MYL1: variants seen among roughly 807,000 people sequenced by gnomAD.
MYL1 encodes myosin light chain 1.
Under a neutral mutation model 21.8 loss-of-function variants are expected in MYL1, and 16 were observed. That is an observed-to-expected ratio of 0.74 (90% CI 0.50 to 1.12). MYL1 has a LOEUF of 1.12. Among genes scored for constraint, MYL1 ranks in the 50% most tolerant of loss-of-function variants. The pLI is 0.00. For missense variants in MYL1, 246 were observed against 241.0 expected (o/e 1.02, Z -0.14); for synonymous variants, 99 against 85.2 (o/e 1.16, Z -0.89).
intron 1 of MYL1, chr2:210,303,572 A>C (rs752344235): frequency 6.2e-7 from 1 of 1,610,908 alleles, no homozygotes; most frequent in Non-Finnish European, 8.5e-7. Context: ...GCAACACAGC[A>C]GGGAAGCTGA....
In MYL1 at chr2:210,314,984, G is replaced by C. The variant is rs570955358; in HGVS notation, c.59C>G (p.Pro20Arg). The C allele has an allele frequency of 6.2e-7, 1 of 1,610,218 alleles. No homozygotes were observed. The highest frequency in any genetic ancestry group is 2.2e-5 in the East Asian group (1 of 44,800). ...PVAAAAAAPA[P>R]APAPAPAPAP... ...AGGGGCAGGTGCAGGTGCCGGTGCC[G>C]GGGCTGGGGCAGCCGCAGCCGCAGC... is the stretch of plus-strand genomic sequence containing the variant. The change falls in exon 1 of 7, where the codon CCG becomes CGG. Residue 20 changes from proline (P) to arginine (R), a missense_variant. Transcript: ENST00000352451.
intron 1 of MYL1, 175 bp from the exon 2 acceptor site, chr2:210,302,690 G>C: frequency 6.5e-7 from 1 of 1,532,340 alleles, no homozygotes; most frequent in Non-Finnish European, 8.9e-7. Context: ...AGTGTAACAT[G>C]CCTTGAAGAT....
intron 2 of MYL1, among the ~76,000 whole-genome samples, chr2:210,298,779 T>G (rs1415957612): frequency 2.6e-5 from 4 of 152,200 alleles, no homozygotes; most frequent in Non-Finnish European, 5.9e-5. Flanking sequence ...TTTCCAACTT[T>G]AAGTTGCCTG....
intron 2 of MYL1, among the ~76,000 whole-genome samples, chr2:210,299,607 C>T (rs1690233162): frequency 6.6e-6 from 1 of 152,056 alleles, no homozygotes; most frequent in South Asian, 2.1e-4. Context: ...TTTAATCATT[C>T]TCTTTTGATA....
chr2:210,294,408 G>T lies in MYL1; in HGVS notation c.315C>A (p.Ala105=). Residue 105 remains alanine, a synonymous_variant, in exon 4 of 7, where the codon GCC becomes GCA. Transcript: ENST00000352451. ...GAAATTGTTCAAACTCAATTTTCTT[G>T]GCATTCAGCTCTGTAAGAAATTGCA... is the stretch of plus-strand genomic sequence containing the variant. ...LGNPSNEELN[A]KKIEFEQFLP... is the part of the protein sequence containing the mutation. The T allele has an allele frequency of 6.2e-7, 1 of 1,613,542 alleles. No homozygotes were observed. The highest frequency in any genetic ancestry group is 8.5e-7 in the Non-Finnish European group (1 of 1,179,704).
intron 4 of MYL1, among the ~76,000 whole-genome samples, 192 bp from the exon 5 acceptor site, chr2:210,293,992 G>A (rs1690127209): frequency 6.6e-6 from 1 of 152,126 alleles, no homozygotes; most frequent in Non-Finnish European, 1.5e-5. Context: ...CACATTATCT[G>A]TTGTCATACA....
At chr2:210,312,056 G>T (rs1181163371) in intron 1 of MYL1, among the ~76,000 whole-genome samples, 1 of 151,918 alleles carries the variant, frequency 6.6e-6, no homozygotes, top group Non-Finnish European at 1.5e-5. Context: ...CATTTAAGCA[G>T]TTGATAAAAC....
intron 1 of MYL1, among the ~76,000 whole-genome samples, chr2:210,308,399 AATAT>A (rs71043988): frequency 0.014 from 1,174 of 84,594 alleles, 29 homozygotes; most frequent in African/African-American, 0.051. Context: ...TACTTAGGCT[AATAT>A]ATATATATAT....
chr2:210,296,639 A>G (rs982856210), intron 3 of MYL1, among the ~76,000 whole-genome samples: 2 of 152,110 alleles, frequency 1.3e-5, no homozygotes, highest in African/African-American at 4.8e-5. Context: ...ACTAAAACAA[A>G]ACAAAAAGTA....
Position 210,305,968 on chromosome 2 carries a change from G to A in MYL1, c.133-3453C>T, listed in dbSNP as rs571094159. On this transcript the variant is annotated intron_variant, in intron 1 of 6. Coordinates refer to ENST00000352451, the MANE Select transcript of MYL1 (RefSeq NM_079420.3). The stretch of plus-strand genomic sequence containing the variant: ...CCAGCTACTGGGGAGGCTGAGGAAG[G>A]AGAATTGCTTAAACTCTGGAGGTGG... Among the ~76,000 whole-genome samples the A allele has an allele frequency of 1.2e-4, 19 of 152,238 alleles. No homozygotes were observed. The South Asian group carries it at 3.9e-3, about 32-fold the overall frequency.
chr2:210,301,692 T>A (rs1040987637), intron 2 of MYL1, among the ~76,000 whole-genome samples: 1 of 152,074 alleles, frequency 6.6e-6, no homozygotes. Context: ...AATGAAAACA[T>A]CAAGCTCCTG....
At chr2:210,292,230 G>A (rs1690088842) in intron 5 of MYL1, among the ~76,000 whole-genome samples, 1 of 151,962 alleles carries the variant, frequency 6.6e-6, no homozygotes, top group Non-Finnish European at 1.5e-5. Context: ...GTGCCATCAC[G>A]CCCAGCTAAT....
chr2:210,309,122 C>A (rs188727703), intron 1 of MYL1, among the ~76,000 whole-genome samples: 1 of 152,114 alleles, frequency 6.6e-6, no homozygotes, highest in East Asian at 1.9e-4. Flanking sequence ...AGAAAATATT[C>A]TACTGCACGA....
chr2:210,308,906 A>G lies in MYL1; in HGVS notation c.132+6005T>C, dbSNP rs536545403. 5.3e-5 allele frequency among the ~76,000 whole-genome samples: 8 copies of G among 152,066 alleles called. No individual in the cohort carries two copies. In the South Asian group the frequency reaches 1.7e-3, roughly 32 times the overall value. ...AAATTCTTTGTGTGTGTGTTTTAAGACATAAATATCTGCTTCTTCCTATTT... is the reference window on the plus strand; with the variant it reads ...AAATTCTTTGTGTGTGTGTTTTAAGGCATAAATATCTGCTTCTTCCTATTT... On this transcript the variant is annotated intron_variant, in intron 1 of 6. Coordinates refer to ENST00000352451, the MANE Select transcript of MYL1 (RefSeq NM_079420.3).
intron 2 of MYL1, among the ~76,000 whole-genome samples, chr2:210,301,024 A>G (rs1473245769): frequency 6.6e-6 from 1 of 152,168 alleles, no homozygotes; most frequent in East Asian, 1.9e-4. Context: ...TCTATTTCAC[A>G]GATGGAATAA....
intron 1 of MYL1, among the ~76,000 whole-genome samples, chr2:210,303,206 G>A (rs958787549): frequency 6.6e-6 from 1 of 152,124 alleles, no homozygotes; most frequent in African/African-American, 2.4e-5. Context: ...TTAGCTATCA[G>A]CATCACTGGA....
intron 1 of MYL1, chr2:210,303,397 A>G: frequency 1.6e-6 from 1 of 623,288 alleles, no homozygotes; most frequent in Non-Finnish European, 2.5e-6. Context: ...ATGGATCTCA[A>G]CAAAACCCAA....
chr2:210,295,659 A>T (rs922965064), intron 3 of MYL1, among the ~76,000 whole-genome samples: 2 of 151,744 alleles, frequency 1.3e-5, no homozygotes, highest in East Asian at 1.9e-4. Context: ...TAAATCAATT[A>T]AAAAAATTAA....
chr2:210,295,652 A>G (rs964469844), intron 3 of MYL1, among the ~76,000 whole-genome samples: 1 of 151,864 alleles, frequency 6.6e-6, no homozygotes, highest in Non-Finnish European at 1.5e-5. Flanking sequence ...TCGCAAATAA[A>G]TCAATTAAAA....
Sources: allele counts gnomAD v4.1 joint callset (sites outside exome capture counted in the v4.1 genomes callset), GRCh38; gene constraint gnomAD v4.1.1; transcripts MANE v1.5; gene names NCBI Gene and HGNC (gene_info 2026-07-23, HGNC 2026-07-21).